KIAA1328: variants seen among roughly 807,000 people sequenced by gnomAD.
KIAA1328 encodes KIAA1328.
Under a neutral mutation model 68.1 loss-of-function variants are expected in KIAA1328, and 52 were observed. That is an observed-to-expected ratio of 0.76 (90% CI 0.61 to 0.96). KIAA1328 has a LOEUF of 0.96. Among genes scored for constraint, KIAA1328 ranks in the 40% least tolerant of loss-of-function variants. The pLI is 0.00. For synonymous variants in KIAA1328, 232 were observed against 239.4 expected, an observed-to-expected ratio of 0.97 and a Z score of 0.28; for missense variants, 641 against 677.6, an observed-to-expected ratio of 0.95 and a Z score of 0.60.
chr18:37,172,151 C>G (rs1411176032), intron 8 of KIAA1328, among the ~76,000 whole-genome samples: 1 of 152,172 alleles, frequency 6.6e-6, no homozygotes, highest in African/African-American at 2.4e-5. Context: ...TTTGAATACT[C>G]TCCTTTTTGT....
intron 1 of KIAA1328, among the ~76,000 whole-genome samples, chr18:36,830,234 GAT>G (rs144812586): frequency 0.014 from 2,154 of 151,894 alleles, 47 homozygotes; most frequent in African/African-American, 0.05. Context: ...TAGAGAGAGG[GAT>G]ATGTTTGTAT....
chr18:37,086,199 G>A (rs1370433012), intron 7 of KIAA1328, among the ~76,000 whole-genome samples: 1 of 152,140 alleles, frequency 6.6e-6, no homozygotes, highest in African/African-American at 2.4e-5. Context: ...ATGTCATATA[G>A]TTGAATATTA....
intron 4 of KIAA1328, among the ~76,000 whole-genome samples, chr18:36,877,129 G>A (rs2048154407): frequency 6.6e-6 from 1 of 151,936 alleles, no homozygotes; most frequent in Admixed American, 6.6e-5. Flanking sequence ...ATGCTATGTG[G>A]TGCTGAGAAG....
chr18:36,879,388 T>G (rs1218021851), intron 4 of KIAA1328, among the ~76,000 whole-genome samples: 1 of 152,194 alleles, frequency 6.6e-6, no homozygotes, highest in Non-Finnish European at 1.5e-5. Context: ...TGCTCCTTCC[T>G]CTGAAAGCTT....
intron 7 of KIAA1328, among the ~76,000 whole-genome samples, chr18:37,074,154 G>A (rs538532841): frequency 1.8e-4 from 27 of 152,218 alleles, no homozygotes; most frequent in African/African-American, 4.6e-4. Flanking sequence ...GTTTTTTGTC[G>A]ATATAGACTG....
At chr18:37,006,361 A>T (rs1033297684) in intron 6 of KIAA1328, among the ~76,000 whole-genome samples, 4 of 152,154 alleles carry the variant, frequency 2.6e-5, no homozygotes, top group African/African-American at 9.7e-5. Flanking sequence ...AATTTTACAC[A>T]TAAAACAATA....
intron 5 of KIAA1328, among the ~76,000 whole-genome samples, chr18:36,913,582 A>G (rs1408915845): frequency 7.4e-6 from 1 of 134,916 alleles, no homozygotes. Flanking sequence ...CTTAGAGGAA[A>G]GCAACTGCCT....
At chr18:37,185,259 G>A (rs998915650) in intron 9 of KIAA1328, among the ~76,000 whole-genome samples, 2 of 152,184 alleles carry the variant, frequency 1.3e-5, no homozygotes, top group African/African-American at 4.8e-5. Flanking sequence ...TCCGTAGGAA[G>A]CACCACCCCG....
At chr18:36,878,382 G>A (rs529217093) in intron 4 of KIAA1328, among the ~76,000 whole-genome samples, 36 of 152,272 alleles carry the variant, frequency 2.4e-4, no homozygotes, top group Non-Finnish European at 4.6e-4. Flanking sequence ...AGAAAGATCC[G>A]TTGTTAGTCT....
intron 7 of KIAA1328, among the ~76,000 whole-genome samples, chr18:37,153,499 ACT>A: frequency 6.6e-6 from 1 of 152,024 alleles, no homozygotes; most frequent in South Asian, 2.1e-4. Flanking sequence ...ATTAGTATAA[ACT>A]CTGTATAAAC....
At chr18:36,875,001 G>A (rs1239841863) in intron 4 of KIAA1328, among the ~76,000 whole-genome samples, 1 of 152,082 alleles carries the variant, frequency 6.6e-6, no homozygotes. Flanking sequence ...TATTATTTCT[G>A]AGGCCTGTGT....
chr18:37,125,322 AAAAC>A (rs1016781704), intron 7 of KIAA1328, among the ~76,000 whole-genome samples: 17 of 152,292 alleles, frequency 1.1e-4, no homozygotes, highest in South Asian at 2.1e-4. Flanking sequence ...CCCGTCTCAA[AAAAC>A]AAACAAACAA....
intron 7 of KIAA1328, among the ~76,000 whole-genome samples, chr18:37,151,842 A>G (rs10502670): frequency 0.19 from 29,176 of 152,074 alleles, 3,566 homozygotes; most frequent in Non-Finnish European, 0.28. Flanking sequence ...GCAGCTAGGC[A>G]TAGAATATCA....
intron 9 of KIAA1328, among the ~76,000 whole-genome samples, chr18:37,190,236 A>G (rs1179564925): frequency 6.6e-6 from 1 of 152,290 alleles, no homozygotes; most frequent in East Asian, 1.9e-4. Flanking sequence ...ATGAGAATGT[A>G]CATGTTTCTC....
intron 6 of KIAA1328, among the ~76,000 whole-genome samples, chr18:37,048,394 C>T (rs558408384): frequency 2.0e-5 from 3 of 152,122 alleles, no homozygotes; most frequent in East Asian, 1.9e-4. Flanking sequence ...GAGTCACTTA[C>T]GTTAAGGCTG....
chr18:36,881,747 G>A (rs2048335352), intron 4 of KIAA1328, among the ~76,000 whole-genome samples: 1 of 152,112 alleles, frequency 6.6e-6, no homozygotes, highest in Admixed American at 6.5e-5. Flanking sequence ...TCAGCATAGT[G>A]ATTTCAAGGT....
At chr18:37,010,174 A>G (rs1002789871) in intron 6 of KIAA1328, among the ~76,000 whole-genome samples, 25 of 152,134 alleles carry the variant, frequency 1.6e-4, no homozygotes, top group African/African-American at 4.6e-4. Context: ...GCTGGGCACA[A>G]TGGCTCACCC....
chr18:37,220,314 G>C (rs991160461), intron 9 of KIAA1328, among the ~76,000 whole-genome samples: 2 of 152,190 alleles, frequency 1.3e-5, no homozygotes, highest in Admixed American at 6.5e-5. Flanking sequence ...ATAATTCACA[G>C]TGCTTGTTTA....
chr18:37,130,344 G>T (rs1043590343), intron 7 of KIAA1328, among the ~76,000 whole-genome samples: 1 of 152,140 alleles, frequency 6.6e-6, no homozygotes, highest in Non-Finnish European at 1.5e-5. Flanking sequence ...AGTCTGCCGG[G>T]CACGGTGGCT....
Sources: allele counts gnomAD v4.1 joint callset (sites outside exome capture counted in the v4.1 genomes callset), GRCh38; gene constraint gnomAD v4.1.1; transcripts MANE v1.5; gene names NCBI Gene and HGNC (gene_info 2026-07-23, HGNC 2026-07-21).